Variants in AGGF1 observed in about 807,000 individuals in gnomAD.
AGGF1 encodes the protein angiogenic factor with G-patch and FHA domains 1, also known as angiogenic factor with G patch and FHA domains 1.
A neutral mutation model predicts 86.5 loss-of-function variants in AGGF1; 56 were observed. That is an observed-to-expected ratio of 0.65 (90% CI 0.52 to 0.81). The LOEUF is 0.81. Ranked by LOEUF, AGGF1 falls within the 30% of genes least tolerant of loss-of-function variation. The pLI is 0.00. For missense variants in AGGF1, 816 were observed against 850.9 expected, an observed-to-expected ratio of 0.96 and a Z score of 0.51; for synonymous variants, 313 against 297.1, an observed-to-expected ratio of 1.05 and a Z score of -0.55.
At chr5:77,031,049 A>G (rs1746840562) in intron 1 of AGGF1, 73 bp downstream of exon 1, 16 of 1,525,816 alleles carry the variant, frequency 1.0e-5, no homozygotes, top group Non-Finnish European at 1.4e-5. Context: ...TAGCCTCGGA[A>G]GGGGTCCCTG....
intron 11 of AGGF1, among the ~76,000 whole-genome samples, chr5:77,056,103 A>G (rs1747452569): frequency 6.6e-6 from 1 of 152,220 alleles, no homozygotes; most frequent in Non-Finnish European, 1.5e-5. Context: ...TTAAGGTAGT[A>G]TCATATTGGC....
At chr5:77,042,602 C>A (rs1363553684) in intron 5 of AGGF1, among the ~76,000 whole-genome samples, 1 of 63,368 alleles carries the variant, frequency 1.6e-5, no homozygotes, top group Non-Finnish European at 3.7e-5. Flanking sequence ...CCCCACCTCC[C>A]TCCCGGACGT....
intron 6 of AGGF1, among the ~76,000 whole-genome samples, chr5:77,046,988 T>G (rs1315886130): frequency 6.6e-6 from 1 of 152,226 alleles, no homozygotes; most frequent in African/African-American, 2.4e-5. Context: ...TAGATATTTG[T>G]AGTCTACTTT....
At chr5:77,058,208 T>G (rs1050025251) in intron 11 of AGGF1, among the ~76,000 whole-genome samples, 1 of 152,196 alleles carries the variant, frequency 6.6e-6, no homozygotes, top group Admixed American at 6.5e-5. Flanking sequence ...TAATTATACC[T>G]CAATAAAGTT....
rs1182739622 is a variant in AGGF1 at position 77,063,136 on chromosome 5, A to G, written c.2029A>G (p.Lys677Glu). 6.2e-7 allele frequency: 1 copy of G among 1,614,092 alleles called. No individual in the cohort carries two copies. ...SFEDVHLLQN[K>E]NKKNWDKARE... ...TGAAGATGTTCACCTTCTCCAAAAC[A>G]AGAACAAAAAAAACTGGGACAAAGC... Residue 677 changes from lysine (K) to glutamate (E), a missense_variant, in exon 14 of 14, where the codon AAG becomes GAG. Physicochemically the swap from Lys to Glu is moderately conservative, Grantham distance 56 (BLOSUM62 1). Around this residue, in one of 3 missense-constraint regions of AGGF1, gnomAD observed 565 missense variants for 585.8 expected, o/e 0.96. Transcript: ENST00000312916.
intron 11 of AGGF1, among the ~76,000 whole-genome samples, chr5:77,056,173 G>A (rs1238941775): frequency 3.3e-5 from 5 of 151,346 alleles, no homozygotes; most frequent in African/African-American, 1.2e-4. Flanking sequence ...TATATGTGTG[G>A]ACAATTAATT....
chr5:77,037,538 T>C (rs948984614), intron 4 of AGGF1, among the ~76,000 whole-genome samples: 1 of 152,170 alleles, frequency 6.6e-6, no homozygotes, highest in African/African-American at 2.4e-5. Context: ...CCTAGCACTT[T>C]AGGAGGCTGA....
At position 77,059,666 on chromosome 5, in the gene AGGF1, T is replaced by C. The variant is rs969480803; in HGVS notation, c.1767T>C (p.Asp589=). The change falls in exon 12 of 14, where the codon GAT becomes GAC. Residue 589 remains aspartate, a synonymous_variant. Coordinates refer to ENST00000312916, the MANE Select transcript of AGGF1 (RefSeq NM_018046.5). Reference sequence around the variant, plus strand: ...CATTGAAGAATCCAAAATATAAAGATAGAGCTGGAAAACGTAGGGAGCAGG... The same window carrying C: ...CATTGAAGAATCCAAAATATAAAGACAGAGCTGGAAAACGTAGGGAGCAGG... ...EKTLKNPKYK[D]RAGKRREQVG... The C allele has an allele frequency of 4.3e-6, 7 of 1,613,308 alleles. No homozygotes were observed. The highest frequency in any genetic ancestry group is 1.1e-5 in the South Asian group (1 of 91,060).
chr5:77,042,509 C>A (rs1286198101), intron 5 of AGGF1, among the ~76,000 whole-genome samples: 1 of 83,068 alleles, frequency 1.2e-5, no homozygotes, highest in Admixed American at 1.3e-4. Flanking sequence ...CCCCACCTCC[C>A]TCCCGGACGG....
At chr5:77,055,752 A>G (rs1747446351) in intron 11 of AGGF1, among the ~76,000 whole-genome samples, 156 bp downstream of exon 11, 1 of 152,228 alleles carries the variant, frequency 6.6e-6, no homozygotes, top group Admixed American at 6.5e-5. Flanking sequence ...CATAACCTAA[A>G]AACTATTGAA....
At chr5:77,041,712 C>T (rs1262787557) in intron 5 of AGGF1, among the ~76,000 whole-genome samples, 1 of 151,414 alleles carries the variant, frequency 6.6e-6, no homozygotes, top group African/African-American at 2.4e-5. Flanking sequence ...TATTTTGGTC[C>T]AGCCTCGCTC....
intron 4 of AGGF1, among the ~76,000 whole-genome samples, chr5:77,037,369 T>A (rs902502359): frequency 2.0e-5 from 3 of 152,232 alleles, no homozygotes; most frequent in African/African-American, 7.2e-5. Flanking sequence ...TTATATCAAA[T>A]ACTTTATGAA....
Position 77,052,552 on chromosome 5 carries a change from A to G in AGGF1, c.1366-154A>G, listed in dbSNP as rs191184085. Among the ~76,000 whole-genome samples, 392 of 152,356 alleles carry G rather than the reference A, an allele frequency of 2.6e-3. 2 individuals carry two copies. The highest frequency in any genetic ancestry group is 9.1e-3 in the African/African-American group (379 of 41,590). On this transcript the variant is annotated intron_variant, in intron 8 of 13. Coordinates refer to ENST00000312916, the MANE Select transcript of AGGF1 (RefSeq NM_018046.5). ...TTCTTCTATAGCCTCTGTTTCTACC[A>G]GAAGCATATAATAGTTTGTGTTTCT...
In AGGF1 at chr5:77,030,674, C is replaced by A; in HGVS notation, c.-93C>A. ...CCGGGTGTGAGGCTGCCTTTCGCTG[C>A]CCGCGCGCTCCAGTGGTCTCTGGGT... is the stretch of plus-strand genomic sequence containing the variant. On this transcript the variant is annotated 5_prime_UTR_variant, in exon 1 of 14. Transcript: ENST00000312916. 1 of 1,422,526 alleles carries A rather than the reference C, an allele frequency of 7.0e-7. No individual in the cohort carries two copies. The highest frequency in any genetic ancestry group is 9.5e-7 in the Non-Finnish European group (1 of 1,049,510). The allele number at this position is 1,422,526 out of a possible 1,614,324, so 88.1% of individuals were successfully genotyped here.
At chr5:77,058,590 TTC>T (rs1049653307) in intron 11 of AGGF1, among the ~76,000 whole-genome samples, 1 of 152,206 alleles carries the variant, frequency 6.6e-6, no homozygotes, top group African/African-American at 2.4e-5. Flanking sequence ...CTTTATTGTC[TTC>T]TGGAGGAAAA....
intron 10 of AGGF1, among the ~76,000 whole-genome samples, chr5:77,054,430 G>A (rs1747426992): frequency 6.6e-6 from 1 of 152,180 alleles, no homozygotes; most frequent in South Asian, 2.1e-4. Flanking sequence ...ATGATATGTA[G>A]CATTGGTCTG....
At chr5:77,059,827 C>T (rs1044387084) in intron 12 of AGGF1, 84 bp downstream of exon 12, 11 of 1,535,136 alleles carry the variant, frequency 7.2e-6, no homozygotes, top group Admixed American at 1.7e-5. Flanking sequence ...GGCTATATAT[C>T]CTGATAGGTG....
chr5:77,035,821 C>A, intron 3 of AGGF1, 78 bp downstream of exon 3: 1 of 1,260,130 alleles, frequency 7.9e-7, no homozygotes, highest in Non-Finnish European at 1.2e-6. Context: ...GAAAGATAGA[C>A]TTCTTTGGTC....
At chr5:77,048,012 T>C in intron 6 of AGGF1, 149 bp from the exon 7 acceptor site, 1 of 669,640 alleles carries the variant, frequency 1.5e-6, no homozygotes, top group Non-Finnish European at 2.7e-6. Context: ...TTGCTGCGTA[T>C]TATACAGCAG....
Sources: allele counts gnomAD v4.1 joint callset (sites outside exome capture counted in the v4.1 genomes callset), GRCh38; gene constraint gnomAD v4.1.1; regional missense constraint gnomAD v4.1.1; transcripts MANE v1.5; gene names NCBI Gene and HGNC (gene_info 2026-07-23, HGNC 2026-07-21).